The following PDS5A variants were observed in gnomAD, a reference collection of about 807,000 sequenced individuals.
PDS5A encodes PDS5 cohesin associated factor A.
In PDS5A, 42 loss-of-function variants were observed where a neutral mutation model predicts 167.1. The observed-to-expected ratio is 0.25, with a 90% CI of 0.20 to 0.33. The LOEUF is 0.33. PDS5A is among the 10% of genes least tolerant of loss of function. PDS5A has a pLI of 1.00. For missense variants in PDS5A, 1,033 were observed against 1,605.9 expected, an observed-to-expected ratio of 0.64 and a Z score of 6.10; for synonymous variants, 553 against 554.6, an observed-to-expected ratio of 1.00 and a Z score of 0.04.
chr4:39,837,294 G>C (rs1305196709), intron 32 of PDS5A: 1 of 153,184 alleles, frequency 6.5e-6, no homozygotes, highest in African/African-American at 2.4e-5. Flanking sequence ...TAAGTTCTAA[G>C]GCCAAGGTGA....
intron 2 of PDS5A, among the ~76,000 whole-genome samples, chr4:39,934,821 ACG>A (rs1018854802): frequency 2.2e-4 from 33 of 151,964 alleles, no homozygotes; most frequent in Non-Finnish European, 1.0e-4. Context: ...GCATCTTTTC[ACG>A]TATTTGCCAC....
chr4:39,825,292 G>T lies in PDS5A; in HGVS notation c.*193C>A. On this transcript the variant is annotated 3_prime_UTR_variant, in exon 33 of 33. Coordinates refer to ENST00000303538, the MANE Select transcript of PDS5A (RefSeq NM_001100399.2). ...TTTAGCCTCTCTCTCAAGAGTTTCT[G>T]CTGTACATTTCCATCAGAGGACTTG... 2.2e-6 allele frequency: 1 copy of T among 453,736 alleles called. No individual in the cohort carries two copies. The highest frequency in any genetic ancestry group is 3.9e-6 in the Non-Finnish European group (1 of 254,952). The allele number at this position is 453,736 out of a possible 1,614,324, so 28.1% of individuals were successfully genotyped here.
intron 2 of PDS5A, among the ~76,000 whole-genome samples, chr4:39,967,841 C>A (rs888333939): frequency 4.6e-5 from 7 of 151,214 alleles, no homozygotes; most frequent in Non-Finnish European, 7.4e-5. Flanking sequence ...AGCCTGTAGT[C>A]CCAGCTACTC....
At position 39,823,954 on chromosome 4, in the gene PDS5A, C is replaced by T. The variant is rs1056475715; in HGVS notation, c.*1531G>A. ...TTTGATACACTTGTTTGTTTTACAT[C>T]CCATGTACACTACAGCCTATCAAGA... On this transcript the variant is annotated 3_prime_UTR_variant, in exon 33 of 33. Transcript: ENST00000303538. The T allele has an allele frequency of 6.6e-6, 1 of 152,222 alleles. No homozygotes were observed. Among genetic ancestry groups the T allele is most frequent in the Non-Finnish European group, 1.5e-5 (1 of 68,028 alleles). 9.4% of individuals were successfully genotyped at this position (152,222 alleles called of 1,614,324 possible).
intron 2 of PDS5A, among the ~76,000 whole-genome samples, chr4:39,968,382 G>A (rs1164271562): frequency 3.3e-5 from 4 of 119,578 alleles, no homozygotes; most frequent in Non-Finnish European, 7.6e-5. Flanking sequence ...TTTCGCTCTT[G>A]TTGCCCAGGC....
chr4:39,938,083 G>A (rs1482279544), intron 2 of PDS5A, among the ~76,000 whole-genome samples: 7 of 152,318 alleles, frequency 4.6e-5, no homozygotes, highest in Admixed American at 3.9e-4. Context: ...ACACTGAGCT[G>A]TAACCAATTC....
chr4:39,960,228 C>T (rs1490406083), intron 2 of PDS5A, among the ~76,000 whole-genome samples: 1 of 152,100 alleles, frequency 6.6e-6, no homozygotes, highest in Non-Finnish European at 1.5e-5. Flanking sequence ...GAAATTGTAC[C>T]ACTGCACTCC....
At chr4:39,878,592 A>G (rs975693677) in intron 18 of PDS5A, among the ~76,000 whole-genome samples, 10 of 152,038 alleles carry the variant, frequency 6.6e-5, no homozygotes, top group Non-Finnish European at 1.2e-4. Flanking sequence ...GCAAGACTCC[A>G]TCTCAAACAA....
rs530220144 is a variant in PDS5A at position 39,912,163 on chromosome 4, G to A, written c.992+1448C>T. 4.6e-5 allele frequency among the ~76,000 whole-genome samples: 7 copies of A among 152,278 alleles called. No homozygotes were observed. In the South Asian group the frequency reaches 6.2e-4, roughly 14 times the overall value. On this transcript the variant is annotated intron_variant, in intron 9 of 32. Coordinates refer to ENST00000303538, the MANE Select transcript of PDS5A (RefSeq NM_001100399.2). ...TTATTAATGATCAAGTAATTACAAA[G>A]TATCAAAACACTTAACGCTATAATT...
chr4:39,826,199 TTA>T (rs1715293790), intron 32 of PDS5A, among the ~76,000 whole-genome samples: 1 of 143,338 alleles, frequency 7.0e-6, no homozygotes, highest in Admixed American at 7.0e-5. Context: ...TTTTTTTTTT[TTA>T]AACGCATTTC....
At chr4:39,912,643 G>A (rs923606632) in intron 9 of PDS5A, among the ~76,000 whole-genome samples, 3 of 152,120 alleles carry the variant, frequency 2.0e-5, no homozygotes, top group African/African-American at 7.2e-5. Flanking sequence ...TGAATCAGTT[G>A]AACTAAAACA....
intron 32 of PDS5A, among the ~76,000 whole-genome samples, chr4:39,827,403 A>T (rs1715424314): frequency 6.6e-6 from 1 of 152,216 alleles, no homozygotes; most frequent in African/African-American, 2.4e-5. Flanking sequence ...TGAAAGACCC[A>T]GGTCACTGGA....
At chr4:39,879,296 C>A (rs1354608271) in intron 18 of PDS5A, among the ~76,000 whole-genome samples, 1 of 152,122 alleles carries the variant, frequency 6.6e-6, no homozygotes, top group Non-Finnish European at 1.5e-5. Context: ...CCAACCTTGT[C>A]TCCCATCATT....
At chr4:39,888,178 G>A (rs952711252) in intron 17 of PDS5A, among the ~76,000 whole-genome samples, 6 of 139,442 alleles carry the variant, frequency 4.3e-5, no homozygotes, top group Middle Eastern at 7.8e-3. Flanking sequence ...CCTGGGAGGT[G>A]AAGATTGCAG....
intron 2 of PDS5A, among the ~76,000 whole-genome samples, chr4:39,949,675 G>C (rs1192407410): frequency 6.6e-6 from 1 of 150,986 alleles, no homozygotes; most frequent in Non-Finnish European, 1.5e-5. Context: ...AAAAAAAAAA[G>C]TTTCAACAAT....
intron 21 of PDS5A, chr4:39,872,738 A>G (rs912952194): frequency 2.2e-5 from 6 of 271,458 alleles, no homozygotes; most frequent in African/African-American, 4.4e-5. Context: ...GCTTTTACTT[A>G]TATGTAACTT....
At chr4:39,923,561 A>C (rs1411784080) in intron 5 of PDS5A, among the ~76,000 whole-genome samples, 1 of 150,406 alleles carries the variant, frequency 6.6e-6, no homozygotes, top group Admixed American at 6.6e-5. Context: ...ACTGGAGCCC[A>C]GGAGGTCGAG....
At position 39,970,534 on chromosome 4, in the gene PDS5A, A is replaced by G. The variant is rs572054272; in HGVS notation, c.138+5906T>C. On this transcript the variant is annotated intron_variant, in intron 2 of 32. Transcript: ENST00000303538. ...ATTTCACTGTAATGTCTTCAACTAC[A>G]TGATAAAAGTTACAACTTTTTAGTT... Among the ~76,000 whole-genome samples, 7 of 151,706 alleles carry G rather than the reference A, an allele frequency of 4.6e-5. No homozygotes were observed. The South Asian group carries it at 1.5e-3, about 31-fold the overall frequency.
In PDS5A at chr4:39,844,683, A is replaced by G. The variant is rs749441964; in HGVS notation, c.3521T>C (p.Leu1174Pro). Reference sequence around the variant, plus strand: ...TGATCGATTTCCGGTTGAAGGGTTCAGCTCTGAATTTACATTAATATTGCT... The same window carrying G: ...TGATCGATTTCCGGTTGAAGGGTTCGGCTCTGAATTTACATTAATATTGCT... ...TGSNINVNSELNPSTGNRSRE... is the reference protein window; with the variant it reads ...TGSNINVNSEPNPSTGNRSRE... The change falls in exon 30 of 33, where the codon CTG becomes CCG. Residue 1174 changes from leucine (L) to proline (P), a missense_variant. Leu to Pro is a moderately conservative substitution (Grantham distance 98). Coordinates refer to ENST00000303538, the MANE Select transcript of PDS5A (RefSeq NM_001100399.2). The G allele has an allele frequency of 2.5e-6, 4 of 1,612,384 alleles. No homozygotes were observed. The highest frequency in any genetic ancestry group is 3.4e-6 in the Non-Finnish European group (4 of 1,179,384).
Sources: allele counts gnomAD v4.1 joint callset (sites outside exome capture counted in the v4.1 genomes callset), GRCh38; gene constraint gnomAD v4.1.1; transcripts MANE v1.5; gene names NCBI Gene and HGNC (gene_info 2026-07-23, HGNC 2026-07-21).